Variants in SYT14 observed in about 807,000 individuals in gnomAD.
SYT14 encodes synaptotagmin 14.
Under a neutral mutation model 74.2 loss-of-function variants are expected in SYT14, and 32 were observed. That is an observed-to-expected ratio of 0.43 (90% CI 0.33 to 0.58). The LOEUF is 0.58. Among genes scored for constraint, SYT14 ranks in the 20% least tolerant of loss-of-function variants. The probability of loss-of-function intolerance (pLI) is 0.05; values close to 1 mark genes in which losing one functional copy is unlikely to be tolerated. For synonymous variants in SYT14, 298 were observed against 337.7 expected (o/e 0.88, Z 1.29); for missense variants, 791 against 981.8 (o/e 0.81, Z 2.60).
At chr1:210,099,865 G>A (rs2082030192) in intron 6 of SYT14, 147 bp from the exon 6 acceptor site, 2 of 780,852 alleles carry the variant, frequency 2.6e-6, no homozygotes, top group Non-Finnish European at 4.1e-6. Context: ...GTAGCTTTTG[G>A]TTGTAGTTGA....
chr1:210,074,300 A>C (rs1339649189), intron 5 of SYT14, among the ~76,000 whole-genome samples: 1 of 152,236 alleles, frequency 6.6e-6, no homozygotes, highest in Non-Finnish European at 1.5e-5. Context: ...CCTGATTTAC[A>C]GATGAGCAAA....
chr1:209,992,284 A>G lies in SYT14; in HGVS notation c.-485-21349A>G, dbSNP rs545351175. Among the ~76,000 whole-genome samples the G allele has an allele frequency of 1.8e-4, 28 of 152,272 alleles. No individual in the cohort carries two copies. In the South Asian group the frequency reaches 5.6e-3, roughly 30 times the overall value. ...CTCAGCCTCCCAAGTAGCTAGGACT[A>G]CAGATGCACACCACCACACCTGGCT... On this transcript the variant is annotated intron_variant, in intron 2 of 9. Transcript: ENST00000637265.
chr1:209,953,287 G>A, intron 2 of SYT14: 6 of 1,272,910 alleles, frequency 4.7e-6, no homozygotes, highest in Non-Finnish European at 5.1e-6. Context: ...TGGGAGGCAA[G>A]GAATCAGGTA....
exon 10 of SYT14, chr1:210,164,804 T>G (rs2083438961): frequency 6.6e-6 from 1 of 152,144 alleles, no homozygotes; most frequent in Non-Finnish European, 1.5e-5. Flanking sequence ...TATTTCACAT[T>G]GATAGTTTTT....
Position 209,952,699 on chromosome 1 carries a change from T to G in SYT14, c.-533-10T>G, listed in dbSNP as rs1485715137. The stretch of plus-strand genomic sequence containing the variant: ...TATGTTTTTAACTTCCCATAAACTT[T>G]TTTTAATAGGTGGAGAGAGAACCTG... On this transcript the variant is annotated splice_polypyrimidine_tract_variant and intron_variant, in intron 1 of 9. Coordinates refer to ENST00000637265, the Ensembl canonical transcript of SYT14. The G allele has an allele frequency of 6.2e-7, 1 of 1,607,984 alleles. No homozygotes were observed. The highest frequency in any genetic ancestry group is 2.2e-5 in the East Asian group (1 of 44,740).
chr1:210,086,515 T>C (rs1183914171), intron 5 of SYT14, among the ~76,000 whole-genome samples: 1 of 152,240 alleles, frequency 6.6e-6, no homozygotes, highest in African/African-American at 2.4e-5. Flanking sequence ...CCATCAGTCT[T>C]TGAACATCTC....
chr1:209,981,645 G>A (rs1393783603), intron 2 of SYT14, among the ~76,000 whole-genome samples: 1 of 151,504 alleles, frequency 6.6e-6, no homozygotes, highest in Non-Finnish European at 1.5e-5. Context: ...TTGGAGAGAT[G>A]ACGTCTTGCT....
At chr1:209,978,673 G>GTC (rs2079417850) in intron 2 of SYT14, among the ~76,000 whole-genome samples, 1 of 152,214 alleles carries the variant, frequency 6.6e-6, no homozygotes, top group South Asian at 2.1e-4. Context: ...TGAGGAGGCA[G>GTC]TCTGTCCGTT....
intron 5 of SYT14, among the ~76,000 whole-genome samples, chr1:210,057,428 A>G (rs1002601384): frequency 9.9e-5 from 15 of 152,154 alleles, no homozygotes; most frequent in African/African-American, 3.1e-4. Context: ...TTTCTTGCCA[A>G]CACTCTCACA....
At chr1:210,098,304 A>G (rs2082001928) in intron 6 of SYT14, among the ~76,000 whole-genome samples, 1 of 152,212 alleles carries the variant, frequency 6.6e-6, no homozygotes, top group South Asian at 2.1e-4. Flanking sequence ...AGCTGCTACA[A>G]CAAAAAGACC....
At chr1:210,005,133 C>A (rs1340861969) in intron 2 of SYT14, among the ~76,000 whole-genome samples, 1 of 151,930 alleles carries the variant, frequency 6.6e-6, no homozygotes, top group Non-Finnish European at 1.5e-5. Context: ...ATCTATTGAA[C>A]CATTCAATGT....
chr1:209,958,023 A>G (rs1209971100), intron 2 of SYT14, among the ~76,000 whole-genome samples: 1 of 151,914 alleles, frequency 6.6e-6, no homozygotes, highest in African/African-American at 2.4e-5. Flanking sequence ...GATCATAGCA[A>G]TTCCGTTACT....
intron 4 of SYT14, among the ~76,000 whole-genome samples, chr1:210,019,353 CATT>C (rs1052160748): frequency 3.9e-5 from 6 of 152,194 alleles, no homozygotes; most frequent in South Asian, 2.1e-4. Context: ...TCGGCCATCT[CATT>C]GTTGTCTAAT....
intron 7 of SYT14, among the ~76,000 whole-genome samples, chr1:210,118,358 C>A (rs919449031): frequency 6.6e-6 from 1 of 152,078 alleles, no homozygotes; most frequent in Non-Finnish European, 1.5e-5. Context: ...TTATGGACAT[C>A]CTGAAAACAT....
chr1:210,136,491 T>C lies in SYT14; in HGVS notation c.2035-19230T>C, dbSNP rs537188707. On this transcript the variant is annotated intron_variant, in intron 7 of 9. Transcript: ENST00000637265. ...GCCAAAGTTCCAATTCATCCCATTG[T>C]GTGATGCTTTTCCTAGTACAATCAA... Among the ~76,000 whole-genome samples, 106 of 152,298 alleles carry C rather than the reference T, an allele frequency of 7.0e-4. 1 individual carries two copies. Among genetic ancestry groups the C allele is most frequent in the African/African-American group, 2.3e-3 (96 of 41,568 alleles).
exon 10 of SYT14, chr1:210,161,285 C>T (rs754207544): frequency 3.2e-6 from 2 of 627,364 alleles, no homozygotes; most frequent in South Asian, 3.1e-5. Flanking sequence ...AACTAACAGT[C>T]CTCCAGAAAT....
At chr1:210,070,910 ATTTTTT>A (rs200981834) in intron 5 of SYT14, among the ~76,000 whole-genome samples, 3 of 116,292 alleles carry the variant, frequency 2.6e-5, no homozygotes, top group Admixed American at 9.4e-5. Flanking sequence ...GTTGGGTATA[ATTTTTT>A]TTTTTTTTTT....
intron 7 of SYT14, among the ~76,000 whole-genome samples, chr1:210,108,857 C>A (rs1342027165): frequency 6.6e-6 from 1 of 151,970 alleles, no homozygotes; most frequent in African/African-American, 2.4e-5. Flanking sequence ...AGTAGCTAAG[C>A]AAGAAGTGTT....
At chr1:209,954,747 C>G (rs2078965259) in intron 2 of SYT14, among the ~76,000 whole-genome samples, 1 of 151,440 alleles carries the variant, frequency 6.6e-6, no homozygotes, top group South Asian at 2.1e-4. Context: ...TCACTGTCTC[C>G]CAGGCTGGAA....
Sources: allele counts gnomAD v4.1 joint callset (sites outside exome capture counted in the v4.1 genomes callset), GRCh38; gene constraint gnomAD v4.1.1; transcripts MANE v1.5; gene names NCBI Gene and HGNC (gene_info 2026-07-23, HGNC 2026-07-21).